Variants in FAM163A observed in about 807,000 individuals in gnomAD.
The protein encoded by FAM163A is protein FAM163A.
In FAM163A, 7 loss-of-function variants were observed where a neutral mutation model predicts 12.0. The observed-to-expected ratio is 0.58, with a 90% CI of 0.33 to 1.10. The LOEUF is 1.10. FAM163A is among the 50% of genes least tolerant of loss of function. The pLI, the probability that FAM163A is intolerant of heterozygous loss-of-function variation, is 0.03. For synonymous variants in FAM163A, 101 were observed against 91.0 expected (o/e 1.11, Z -0.62); for missense variants, 202 against 218.6 (o/e 0.92, Z 0.48).
chr1:179,812,779 C>T (rs1046434889), intron 3 of FAM163A, among the ~76,000 whole-genome samples: 2 of 152,112 alleles, frequency 1.3e-5, no homozygotes, highest in African/African-American at 4.8e-5. Context: ...TCTGCAGCCA[C>T]GCAGAAGCGG....
At chr1:179,746,311 A>G (rs1215625032) in intron 1 of FAM163A, among the ~76,000 whole-genome samples, 7 of 152,246 alleles carry the variant, frequency 4.6e-5, no homozygotes, top group Non-Finnish European at 5.9e-5. Flanking sequence ...TGTACATTAT[A>G]GCACTGTTCG....
At chr1:179,758,642 T>C (rs1183734940) in intron 1 of FAM163A, among the ~76,000 whole-genome samples, 1 of 152,266 alleles carries the variant, frequency 6.6e-6, no homozygotes, top group African/African-American at 2.4e-5. Context: ...GCTTCATTAG[T>C]GTTCCTGTCC....
intron 1 of FAM163A, chr1:179,804,164 C>T (rs1188269756): frequency 6.6e-6 from 1 of 152,092 alleles, no homozygotes; most frequent in Non-Finnish European, 1.5e-5. Flanking sequence ...TGGTAAGGCT[C>T]ACATCTGCTA....
intron 1 of FAM163A, among the ~76,000 whole-genome samples, chr1:179,769,256 C>A (rs1388069697): frequency 6.6e-6 from 1 of 152,132 alleles, no homozygotes; most frequent in Non-Finnish European, 1.5e-5. Flanking sequence ...AATGATTCTC[C>A]TACCATAGCC....
In FAM163A at chr1:179,814,414, G is replaced by C. The variant is rs1457158976; in HGVS notation, c.*225G>C. The stretch of plus-strand genomic sequence containing the variant: ...GCCAGAGGTGGGGGACTGCTAGGTC[G>C]AGTCTGCAGCTTCGCCAGTTTCTTG... On this transcript the variant is annotated 3_prime_UTR_variant, in exon 5 of 5. Coordinates refer to ENST00000341785, the MANE Select transcript of FAM163A (RefSeq NM_173509.3). 7.0e-6 allele frequency: 4 copies of C among 572,134 alleles called. No individual in the cohort carries two copies. Among genetic ancestry groups the C allele is most frequent in the Non-Finnish European group, 8.8e-6 (3 of 339,754 alleles). The allele number at this position is 572,134 out of a possible 1,614,324, so 35.4% of individuals were successfully genotyped here.
chr1:179,796,818 T>G (rs1692396264), intron 1 of FAM163A, among the ~76,000 whole-genome samples: 1 of 152,370 alleles, frequency 6.6e-6, no homozygotes, highest in East Asian at 1.9e-4. Flanking sequence ...ACTGTGTTTT[T>G]CTGTTACATA....
chr1:179,765,684 T>A (rs1157850118), intron 1 of FAM163A, among the ~76,000 whole-genome samples: 6 of 151,614 alleles, frequency 4.0e-5, no homozygotes, highest in African/African-American at 7.3e-5. Context: ...GGAATTTTTT[T>A]TTTTTTTTTT....
intron 1 of FAM163A, among the ~76,000 whole-genome samples, chr1:179,765,315 C>T (rs1372081265): frequency 6.6e-6 from 1 of 152,220 alleles, no homozygotes; most frequent in Non-Finnish European, 1.5e-5. Context: ...AATGTGGATT[C>T]TGATTCAGCA....
the FAM163A span, among the ~76,000 whole-genome samples, chr1:179,729,917 C>T: frequency 1.3e-5 from 2 of 152,182 alleles, no homozygotes; most frequent in Non-Finnish European, 2.9e-5. Context: ...GATGCATATG[C>T]CTTCCTGCAC....
chr1:179,769,318 T>TC (rs1218209987), intron 1 of FAM163A, among the ~76,000 whole-genome samples: 2 of 149,466 alleles, frequency 1.3e-5, no homozygotes, highest in African/African-American at 4.9e-5. Flanking sequence ...GCTAATTTTT[T>TC]CAATTTTTTT....
At chr1:179,813,645 C>A in intron 4 of FAM163A, 134 bp from the exon 5 acceptor site, 1 of 973,832 alleles carries the variant, frequency 1.0e-6, no homozygotes, top group Non-Finnish European at 1.5e-6. Context: ...ACTTGTGGAG[C>A]AGGCCCCTGG....
the FAM163A span, chr1:179,730,490 CTAAG>C: frequency 1.3e-5 from 2 of 152,116 alleles, no homozygotes; most frequent in African/African-American, 4.8e-5. Flanking sequence ...TAAAGGCCCC[CTAAG>C]TGACACCCCC....
At chr1:179,783,794 TATATA>T (rs1441742989) in intron 1 of FAM163A, among the ~76,000 whole-genome samples, 1 of 146,356 alleles carries the variant, frequency 6.8e-6, no homozygotes, top group Non-Finnish European at 1.5e-5. Flanking sequence ...TATAATTTAT[TATATA>T]ATATATAATT....
At chr1:179,799,835 G>A (rs1571544901) in intron 1 of FAM163A, among the ~76,000 whole-genome samples, 1 of 152,176 alleles carries the variant, frequency 6.6e-6, no homozygotes, top group African/African-American at 2.4e-5. Context: ...GCCCACACTC[G>A]TGTAAAATGA....
rs1389184987 is a variant in FAM163A at position 179,813,929 on chromosome 1, G to A, written c.244G>A (p.Glu82Lys). The A allele has an allele frequency of 2.5e-6, 4 of 1,613,614 alleles. No individual in the cohort carries two copies. The highest frequency in any genetic ancestry group is 4.5e-5 in the East Asian group (2 of 44,878). ...AGGCAGCCTGGCGCCTCTCACCAGC[G>A]AGCCCTGCAGCCAGCCCTGTGGGGT... ...GRGSLAPLTS[E>K]PCSQPCGVAA... The change falls in exon 5 of 5, where the codon GAG becomes AAG. Residue 82 changes from glutamate to lysine, a missense_variant. Transcript: ENST00000341785.
chr1:179,801,066 ATTC>A (rs1384458455), intron 1 of FAM163A, among the ~76,000 whole-genome samples: 3 of 152,154 alleles, frequency 2.0e-5, no homozygotes, highest in East Asian at 1.9e-4. Context: ...CCTCCACTGA[ATTC>A]TTCTTGCTGT....
chr1:179,735,009 A>G, the FAM163A span, among the ~76,000 whole-genome samples: 8 of 152,312 alleles, frequency 5.3e-5, no homozygotes, highest in African/African-American at 1.9e-4. Context: ...AAGTTAAAAC[A>G]AAAAAAGTTT....
intron 1 of FAM163A, among the ~76,000 whole-genome samples, chr1:179,787,211 T>G (rs1690757557): frequency 6.6e-6 from 1 of 152,232 alleles, no homozygotes; most frequent in Non-Finnish European, 1.5e-5. Context: ...GAGGCTCCTC[T>G]TAATTTGTAG....
At chr1:179,760,801 A>G (rs1334174535) in intron 1 of FAM163A, among the ~76,000 whole-genome samples, 1 of 152,222 alleles carries the variant, frequency 6.6e-6, no homozygotes, top group Non-Finnish European at 1.5e-5. Context: ...AAAGTCTACA[A>G]CTGCTTAAGA....
Sources: allele counts gnomAD v4.1 joint callset (sites outside exome capture counted in the v4.1 genomes callset), GRCh38; gene constraint gnomAD v4.1.1; transcripts MANE v1.5; gene names NCBI Gene and HGNC (gene_info 2026-07-23, HGNC 2026-07-21).